Variants in SHROOM3 observed in about 807,000 individuals in gnomAD.
SHROOM3 encodes protein Shroom3.
A neutral mutation model predicts 138.6 loss-of-function variants in SHROOM3; 47 were observed. The ratio of observed to expected loss-of-function variants is 0.34; its 90% CI spans 0.27 to 0.43. SHROOM3 has a LOEUF of 0.43. Among genes scored for constraint, SHROOM3 ranks in the 20% least tolerant of loss-of-function variants. The pLI is 1.00. For missense variants in SHROOM3, 2,491 were observed against 2,596.5 expected (o/e 0.96, Z 0.88); for synonymous variants, 1,062 against 1,063.3 (o/e 1.00, Z 0.02).
chr4:76,575,240 C>T (rs145721919), intron 2 of SHROOM3, among the ~76,000 whole-genome samples: 160 of 152,260 alleles, frequency 1.1e-3, no homozygotes, highest in African/African-American at 3.5e-3. Flanking sequence ...AGACCCACAA[C>T]TAGTATCACA....
intron 1 of SHROOM3, among the ~76,000 whole-genome samples, chr4:76,513,077 T>C (rs1418950373): frequency 6.6e-6 from 1 of 152,186 alleles, no homozygotes; most frequent in Non-Finnish European, 1.5e-5. Flanking sequence ...AGCTTCCACC[T>C]GAGAGCAGGA....
At chr4:76,486,689 C>T (rs907445900) in intron 1 of SHROOM3, among the ~76,000 whole-genome samples, 2 of 152,124 alleles carry the variant, frequency 1.3e-5, no homozygotes, top group Non-Finnish European at 1.5e-5. Flanking sequence ...CTCCTGGGGG[C>T]ATCATTCACA....
intron 4 of SHROOM3, among the ~76,000 whole-genome samples, chr4:76,731,586 G>A (rs572575839): frequency 6.6e-6 from 1 of 152,206 alleles, no homozygotes; most frequent in African/African-American, 2.4e-5. Context: ...TTCAAGACCA[G>A]CCTGGCCAAC....
intron 3 of SHROOM3, chr4:76,716,471 A>T (rs1720380361): frequency 1.2e-5 from 6 of 516,998 alleles, no homozygotes. Context: ...TCCTCCAATG[A>T]CAAGCCTTTA....
chr4:76,441,825 C>T (rs952628984), intron 1 of SHROOM3, among the ~76,000 whole-genome samples: 4 of 152,114 alleles, frequency 2.6e-5, no homozygotes, highest in Admixed American at 1.3e-4. Context: ...TGGGTTCAAG[C>T]GATTCTCCTG....
At chr4:76,481,549 A>T (rs1013601859) in intron 1 of SHROOM3, among the ~76,000 whole-genome samples, 1 of 152,066 alleles carries the variant, frequency 6.6e-6, no homozygotes, top group South Asian at 2.1e-4. Flanking sequence ...TCACAGCCGA[A>T]TTCTACCAGA....
chr4:76,626,902 C>T (rs1378990802), intron 2 of SHROOM3, among the ~76,000 whole-genome samples: 2 of 152,102 alleles, frequency 1.3e-5, no homozygotes, highest in Non-Finnish European at 2.9e-5. Flanking sequence ...TTGTGTATAC[C>T]ATGATGACAT....
intron 2 of SHROOM3, among the ~76,000 whole-genome samples, chr4:76,589,731 C>G (rs144943714): frequency 6.6e-6 from 1 of 152,202 alleles, no homozygotes; most frequent in Non-Finnish European, 1.5e-5. Context: ...GCGGGGGTCC[C>G]AGCAATCAGC....
intron 1 of SHROOM3, among the ~76,000 whole-genome samples, chr4:76,507,000 T>C (rs1732225150): frequency 6.6e-6 from 1 of 152,146 alleles, no homozygotes; most frequent in Admixed American, 6.5e-5. Flanking sequence ...AAAAGGTGAA[T>C]ACTAAAAAAC....
Position 76,770,612 on chromosome 4 carries a change from A to G in SHROOM3, c.5350-14A>G, listed in dbSNP as rs1422734110. 6.2e-7 allele frequency: 1 copy of G among 1,613,578 alleles called. No homozygotes were observed. Among genetic ancestry groups the G allele is most frequent in the Admixed American group, 1.7e-5 (1 of 60,012 alleles). On this transcript the variant is annotated splice_polypyrimidine_tract_variant and intron_variant, in intron 9 of 10. Transcript: ENST00000296043. ...CCTGTTGGCTGATCTTTGCGGTCTT[A>G]TCTGTCATTTCAGGCTGAGCTCATT...
At chr4:76,682,113 T>C (rs1160560322) in intron 2 of SHROOM3, among the ~76,000 whole-genome samples, 4 of 152,224 alleles carry the variant, frequency 2.6e-5, no homozygotes, top group African/African-American at 9.6e-5. Flanking sequence ...TAATTGAGTA[T>C]TCTTGCACAT....
chr4:76,475,044 A>C (rs941755094), intron 1 of SHROOM3, among the ~76,000 whole-genome samples: 11 of 152,090 alleles, frequency 7.2e-5, no homozygotes, highest in Non-Finnish European at 1.5e-4. Flanking sequence ...TTTGTACTAG[A>C]GAGGACAGTG....
intron 9 of SHROOM3, among the ~76,000 whole-genome samples, chr4:76,764,127 C>T (rs1281819493): frequency 3.3e-5 from 5 of 152,280 alleles, no homozygotes; most frequent in Non-Finnish European, 7.4e-5. Flanking sequence ...ACTTTAGTTT[C>T]ACTTTGATAT....
chr4:76,460,500 G>A (rs1043073775), intron 1 of SHROOM3, among the ~76,000 whole-genome samples: 10 of 152,072 alleles, frequency 6.6e-5, no homozygotes, highest in Non-Finnish European at 1.0e-4. Flanking sequence ...ACAAAATGCC[G>A]CAGACTGGGT....
chr4:76,435,644 T>C lies in SHROOM3; in HGVS notation c.-409T>C, dbSNP rs1730547194. ...GTATTCCTTTGAGTATTTGTGATTT[T>C]CTTACTATATTGTAAGATGCTTTTA... is the stretch of plus-strand genomic sequence containing the variant. On this transcript the variant is annotated 5_prime_UTR_variant, in exon 1 of 11. Coordinates refer to ENST00000296043, the MANE Select transcript of SHROOM3 (RefSeq NM_020859.4). The C allele has an allele frequency of 1.3e-5, 2 of 155,042 alleles. No individual in the cohort carries two copies. The highest frequency in any genetic ancestry group is 4.8e-5 in the African/African-American group (2 of 41,590). The allele number at this position is 155,042 out of a possible 1,614,324, so 9.6% of individuals were successfully genotyped here. A position where few individuals can be genotyped will look rare whatever the true frequency, so the allele number is the denominator to read the frequency against.
rs1453104007 is a variant in SHROOM3 at position 76,651,397 on chromosome 4, CATAAATATATATAT to C, written c.324-58755_324-58742del. 9.1e-4 allele frequency among the ~76,000 whole-genome samples: 65 copies of C among 71,398 alleles called. 1 individual carries two copies. Among genetic ancestry groups the C allele is most frequent in the South Asian group, 1.8e-3 (4 of 2,256 alleles). The allele number at this position is 71,398 out of a possible 152,430, so 46.8% of individuals were successfully genotyped here. A position where few individuals can be genotyped will look rare whatever the true frequency, so the allele number is the denominator to read the frequency against. ...CTGTATTAACACATCTCATGTAACCCATAAATATATATATATATATATATATATATATATATATA... is the reference window on the plus strand; with the variant it reads ...CTGTATTAACACATCTCATGTAACCCATATATATATATATATATATATATA... On this transcript the variant is annotated intron_variant, in intron 2 of 10. Coordinates refer to ENST00000296043, the MANE Select transcript of SHROOM3 (RefSeq NM_020859.4).
Position 76,555,631 on chromosome 4 carries a change from A to G in SHROOM3, c.191A>G (p.Asp64Gly). Residue 64 changes from aspartate to glycine, a missense_variant, in exon 2 of 11, where the codon GAC becomes GGC. Physicochemically the swap from Asp to Gly is moderately conservative, Grantham distance 94. Around this residue, in one of 4 missense-constraint regions of SHROOM3, gnomAD observed 284 missense variants for 322.8 expected, o/e 0.88. Coordinates refer to ENST00000296043, the MANE Select transcript of SHROOM3 (RefSeq NM_020859.4). ...CAGGTCGAAGAAGGGGGCAAAGCAG[A>G]CACCCTGAGCTCCAAACTGCAGGCT... is the stretch of plus-strand genomic sequence containing the variant. ...ISKVEEGGKA[D>G]TLSSKLQAGD... 1.9e-6 allele frequency: 3 copies of G among 1,613,852 alleles called. No homozygotes were observed. The highest frequency in any genetic ancestry group is 2.5e-6 in the Non-Finnish European group (3 of 1,180,008).
At chr4:76,585,836 C>CA (rs1254311542) in intron 2 of SHROOM3, among the ~76,000 whole-genome samples, 1 of 151,988 alleles carries the variant, frequency 6.6e-6, no homozygotes. Flanking sequence ...CTGTTGCTTG[C>CA]AAAAAACATA....
intron 2 of SHROOM3, among the ~76,000 whole-genome samples, chr4:76,651,177 T>C (rs1252146198): frequency 6.6e-6 from 1 of 151,574 alleles, no homozygotes; most frequent in African/African-American, 2.4e-5. Flanking sequence ...GGTTAATGGG[T>C]AAAAACAAAA....
Sources: gnomAD v4.1 joint callset for allele counts (sites outside exome capture counted in the v4.1 genomes callset) on GRCh38, gnomAD v4.1.1 for gene constraint, gnomAD v4.1.1 regional missense constraint, MANE v1.5 for transcripts, NCBI Gene and HGNC (gene_info 2026-07-23, HGNC 2026-07-21) for gene names.